Variants in POFUT1 observed in about 807,000 individuals in gnomAD.
POFUT1 encodes the protein GDP-fucose protein O-fucosyltransferase 1.
A neutral mutation model predicts 42.4 loss-of-function variants in POFUT1; 16 were observed. The observed-to-expected ratio is 0.38, with a 90% CI of 0.26 to 0.57. The LOEUF is 0.57. Ranked by LOEUF, POFUT1 falls within the 20% of genes least tolerant of loss-of-function variation. The pLI is 0.71. For synonymous variants in POFUT1, 206 were observed against 205.4 expected (o/e 1.00, Z -0.03); for missense variants, 470 against 504.6 (o/e 0.93, Z 0.66).
At chr20:32,219,557 T>C (rs1259286263) in intron 4 of POFUT1, among the ~76,000 whole-genome samples, 2 of 149,140 alleles carry the variant, frequency 1.3e-5, no homozygotes, top group African/African-American at 4.9e-5. Context: ...TCACCAAGGC[T>C]GGAGTCTCGG....
At chr20:32,222,579 T>G (rs2047396164) in intron 4 of POFUT1, 1 of 984,990 alleles carries the variant, frequency 1.0e-6, no homozygotes, top group Admixed American at 6.1e-5. Context: ...TTCTTTTTCT[T>G]TCCCCCACCT....
intron 6 of POFUT1, among the ~76,000 whole-genome samples, chr20:32,231,784 C>CT (rs1259625064): frequency 6.6e-6 from 1 of 152,172 alleles, no homozygotes; most frequent in Non-Finnish European, 1.5e-5. Flanking sequence ...ATAAAGTTAG[C>CT]TATCATCAGT....
intron 6 of POFUT1, among the ~76,000 whole-genome samples, chr20:32,232,405 CTA>C (rs1320651635): frequency 6.6e-6 from 1 of 152,146 alleles, no homozygotes; most frequent in Non-Finnish European, 1.5e-5. Flanking sequence ...CCCAACCCCT[CTA>C]TTTTATAGCT....
At position 32,207,928 on chromosome 20, in the gene POFUT1, G is replaced by C. The variant is rs763234398; in HGVS notation, c.-14G>C. ...CGACTGTGCGCCGCGGCTGGCTCGG[G>C]TTCCCGGGCCGACATGGGCGCCGCC... On this transcript the variant is annotated 5_prime_UTR_variant, in exon 1 of 7. Coordinates refer to ENST00000375749, the MANE Select transcript of POFUT1 (RefSeq NM_015352.2). 6.3e-7 allele frequency: 1 copy of C among 1,578,970 alleles called. No individual in the cohort carries two copies. The highest frequency in any genetic ancestry group is 8.5e-7 in the Non-Finnish European group (1 of 1,171,402).
intron 4 of POFUT1, chr20:32,217,878 C>A (rs774088777): frequency 3.7e-6 from 1 of 268,304 alleles, no homozygotes; most frequent in Non-Finnish European, 5.7e-6. Flanking sequence ...GTGGACAGCT[C>A]AGGTCTGTTT....
chr20:32,223,549 C>T (rs2047400593), intron 4 of POFUT1: 1 of 984,962 alleles, frequency 1.0e-6, no homozygotes. Context: ...TCCAGCCCCA[C>T]TGGGAGATCT....
chr20:32,224,818 T>C (rs2047406879), intron 4 of POFUT1, among the ~76,000 whole-genome samples: 1 of 152,212 alleles, frequency 6.6e-6, no homozygotes. Context: ...AATAGGTAGG[T>C]AAATTGCAGT....
chr20:32,220,989 C>T lies in POFUT1; in HGVS notation c.542+4268C>T, dbSNP rs952688238. 3.3e-5 allele frequency among the ~76,000 whole-genome samples: 5 copies of T among 152,240 alleles called. No homozygotes were observed. In the East Asian group the frequency reaches 5.8e-4, roughly 18 times the overall value. Reference sequence around the variant, plus strand: ...CTCCCTAACAACTGAATCTGGAAACCGGCACAGTGTCACTTCTGTCGGGTG... The same window carrying T: ...CTCCCTAACAACTGAATCTGGAAACTGGCACAGTGTCACTTCTGTCGGGTG... On this transcript the variant is annotated intron_variant, in intron 4 of 6. Coordinates refer to ENST00000375749, the MANE Select transcript of POFUT1 (RefSeq NM_015352.2).
rs748655500 is a variant in POFUT1, at chr20:32,228,250, A to G, written c.543-13A>G. ...TGCGTCCTCTGACTTCCCTCATTCC[A>G]TCTCCTGTCTAGATTTTCTCCAAAG... On this transcript the variant is annotated splice_polypyrimidine_tract_variant and intron_variant, in intron 4 of 6. Coordinates refer to ENST00000375749, the MANE Select transcript of POFUT1 (RefSeq NM_015352.2). The G allele has an allele frequency of 5.6e-6, 9 of 1,609,312 alleles. No individual in the cohort carries two copies. In the Admixed American group the frequency reaches 1.5e-4, roughly 27 times the overall value.
intron 3 of POFUT1, 119 bp downstream of exon 3, chr20:32,215,570 G>T: frequency 1.1e-6 from 1 of 877,042 alleles, no homozygotes; most frequent in South Asian, 2.0e-5. Flanking sequence ...GAAAGATGGA[G>T]ATTTAAGTCC....
In POFUT1 at chr20:32,209,731, C is replaced by T. The variant is rs144983258; in HGVS notation, c.125-340C>T. 3.6e-3 allele frequency among the ~76,000 whole-genome samples: 553 copies of T among 152,314 alleles called. 3 individuals carry two copies. The highest frequency in any genetic ancestry group is 0.013 in the African/African-American group (521 of 41,576). On this transcript the variant is annotated intron_variant, in intron 1 of 6. Transcript: ENST00000375749. ...GGTGAAAGGAGCCCAGTGAATGAGGCATTCGAGTTGCCCGTCCATGTGCAG... is the reference window on the plus strand; with the variant it reads ...GGTGAAAGGAGCCCAGTGAATGAGGTATTCGAGTTGCCCGTCCATGTGCAG...
intron 4 of POFUT1, among the ~76,000 whole-genome samples, chr20:32,219,505 C>A (rs962688426): frequency 1.8e-4 from 23 of 128,964 alleles, no homozygotes; most frequent in South Asian, 1.4e-3. Flanking sequence ...AGCATAACAA[C>A]AAGTTTTTTT....
intron 4 of POFUT1, among the ~76,000 whole-genome samples, chr20:32,227,532 AAAAAGAAAAAG>A (rs1317289445): frequency 1.3e-5 from 2 of 152,164 alleles, no homozygotes; most frequent in African/African-American, 4.8e-5. Context: ...TCCTATCTCA[AAAAAGAAAAAG>A]AAAAGAAAAA....
rs915046978 is a variant in POFUT1, at chr20:32,238,538, T to A, written c.*3877T>A. ...CGGGAAGCAAAAAAAAAAAGTTGTT[T>A]AAGATAAATTCCCAGAAGTGAATTT... On this transcript the variant is annotated 3_prime_UTR_variant, in exon 7 of 7. Transcript: ENST00000375749. 2.0e-5 allele frequency: 3 copies of A among 152,188 alleles called. No individual in the cohort carries two copies. The highest frequency in any genetic ancestry group is 7.2e-5 in the African/African-American group (3 of 41,438). 9.4% of individuals were successfully genotyped at this position (152,188 alleles called of 1,614,324 possible).
chr20:32,208,711 T>A (rs1229125179), intron 1 of POFUT1, among the ~76,000 whole-genome samples: 1 of 149,394 alleles, frequency 6.7e-6, no homozygotes, highest in Non-Finnish European at 1.5e-5. Context: ...CCTTGGGAGT[T>A]ATCTGGGCGG....
At chr20:32,217,638 G>A in intron 4 of POFUT1, 1 of 985,868 alleles carries the variant, frequency 1.0e-6, no homozygotes. Flanking sequence ...CACAGGCCAA[G>A]GAGTGAGATA....
rs1196408896 is a variant in POFUT1 at position 32,215,255 on chromosome 20, TC to T, written c.247-12del. 2 of 1,599,992 alleles carry T rather than the reference TC, an allele frequency of 1.3e-6. No homozygotes were observed. The highest frequency in any genetic ancestry group is 1.7e-6 in the Non-Finnish European group (2 of 1,168,352). On this transcript the variant is annotated splice_polypyrimidine_tract_variant and intron_variant, in intron 2 of 6. Coordinates refer to ENST00000375749, the MANE Select transcript of POFUT1 (RefSeq NM_015352.2). ...GGCACTGAGACGGGACCTCTGCTCC[TC>T]CTTTTCCTGTAGCTCCATGTGTCCT...
chr20:32,237,764 CAGTG>C lies in POFUT1; in HGVS notation c.*3104_*3107del. On this transcript the variant is annotated 3_prime_UTR_variant, in exon 7 of 7. Coordinates refer to ENST00000375749, the MANE Select transcript of POFUT1 (RefSeq NM_015352.2). ...AGAGAAAGGGTGAAAGCAGAGAGAC[CAGTG>C]CAGGGCTGTTAACAGGGTTGCAGGC... The C allele has an allele frequency of 1.1e-5, 6 of 534,364 alleles. No individual in the cohort carries two copies. The highest frequency in any genetic ancestry group is 2.3e-5 in the Non-Finnish European group (6 of 259,904). The allele number at this position is 534,364 out of a possible 1,614,324, so 33.1% of individuals were successfully genotyped here. A position where few individuals can be genotyped will look rare whatever the true frequency, so the allele number is the denominator to read the frequency against.
rs935223095 is a variant in POFUT1 at position 32,207,909 on chromosome 20, T to A, written c.-33T>A. The A allele has an allele frequency of 1.9e-6, 3 of 1,562,662 alleles. No individual in the cohort carries two copies. Among genetic ancestry groups the A allele is most frequent in the Non-Finnish European group, 2.6e-6 (3 of 1,163,002 alleles). ...GCGTCCCTCCTTCCCTCCCCGACTG[T>A]GCGCCGCGGCTGGCTCGGGTTCCCG... On this transcript the variant is annotated 5_prime_UTR_variant, in exon 1 of 7. Coordinates refer to ENST00000375749, the MANE Select transcript of POFUT1 (RefSeq NM_015352.2).
Sources: allele counts gnomAD v4.1 joint callset (sites outside exome capture counted in the v4.1 genomes callset), GRCh38; gene constraint gnomAD v4.1.1; transcripts MANE v1.5; gene names NCBI Gene and HGNC (gene_info 2026-07-23, HGNC 2026-07-21).